The following KCNH1 variants were observed in gnomAD, a reference collection of about 807,000 sequenced individuals.
KCNH1 encodes the protein voltage-gated delayed rectifier potassium channel KCNH1.
In KCNH1, 27 loss-of-function variants were observed where a neutral mutation model predicts 69.2. That is an observed-to-expected ratio of 0.39 (90% CI 0.29 to 0.54). KCNH1 has a LOEUF of 0.54. Ranked by LOEUF, KCNH1 falls within the 20% of genes least tolerant of loss-of-function variation. KCNH1 has a pLI of 0.68. For missense variants in KCNH1, 798 were observed against 1,261.6 expected, an observed-to-expected ratio of 0.63 and a Z score of 5.57; for synonymous variants, 456 against 487.7, an observed-to-expected ratio of 0.93 and a Z score of 0.86.
intron 6 of KCNH1, among the ~76,000 whole-genome samples, chr1:210,967,295 AC>A (rs1688426711): frequency 6.6e-6 from 1 of 152,168 alleles, no homozygotes; most frequent in Admixed American, 6.6e-5. Context: ...CATGTTCTGC[AC>A]ATGTACCCCA....
intron 3 of KCNH1, among the ~76,000 whole-genome samples, chr1:211,098,363 C>G (rs1179908395): frequency 6.7e-6 from 1 of 149,544 alleles, no homozygotes; most frequent in Non-Finnish European, 1.5e-5. Context: ...ATACAGCATA[C>G]TAAACATTAG....
chr1:211,039,810 A>G (rs369270760), intron 5 of KCNH1, among the ~76,000 whole-genome samples: 2 of 152,104 alleles, frequency 1.3e-5, no homozygotes, highest in African/African-American at 4.8e-5. Context: ...CTTGCTTTTG[A>G]TTTTACAGGC....
At chr1:210,709,225 G>A (rs1681992300) in intron 10 of KCNH1, among the ~76,000 whole-genome samples, 1 of 152,170 alleles carries the variant, frequency 6.6e-6, no homozygotes, top group African/African-American at 2.4e-5. Flanking sequence ...CTCCAGCCTG[G>A]GCAACAGTGC....
intron 10 of KCNH1, among the ~76,000 whole-genome samples, chr1:210,709,634 G>A (rs1286578677): frequency 6.6e-6 from 1 of 151,616 alleles, no homozygotes; most frequent in Non-Finnish European, 1.5e-5. Flanking sequence ...GTAGATACAG[G>A]GAAGTAGAAA....
chr1:210,765,357 C>A (rs536812819), intron 10 of KCNH1, among the ~76,000 whole-genome samples: 1 of 152,050 alleles, frequency 6.6e-6, no homozygotes, highest in Admixed American at 6.6e-5. Flanking sequence ...ATGTAATATA[C>A]CCATGTAACA....
At chr1:210,892,411 T>C (rs1686769705) in intron 7 of KCNH1, among the ~76,000 whole-genome samples, 1 of 152,100 alleles carries the variant, frequency 6.6e-6, no homozygotes, top group Non-Finnish European at 1.5e-5. Context: ...TCATTCCTTC[T>C]TTCAGTCACT....
intron 10 of KCNH1, among the ~76,000 whole-genome samples, chr1:210,773,061 C>G (rs1462099026): frequency 1.3e-5 from 2 of 152,092 alleles, no homozygotes; most frequent in Non-Finnish European, 2.9e-5. Flanking sequence ...TTTTTTCAAC[C>G]TATATTATCA....
At chr1:210,876,037 T>C (rs957156712) in intron 7 of KCNH1, among the ~76,000 whole-genome samples, 20 of 152,136 alleles carry the variant, frequency 1.3e-4, no homozygotes, top group African/African-American at 4.8e-4. Context: ...AACCCAATAT[T>C]ATTAAAATAT....
At chr1:210,794,584 G>A (rs1934612) in intron 9 of KCNH1, among the ~76,000 whole-genome samples, 20,413 of 152,148 alleles carry the variant, frequency 0.13, 1,449 homozygotes, top group Non-Finnish European at 0.16. Context: ...ATGAGAAGGG[G>A]CTAGGAAGCT....
chr1:210,931,971 T>C (rs1687688259), intron 6 of KCNH1, among the ~76,000 whole-genome samples: 1 of 152,040 alleles, frequency 6.6e-6, no homozygotes, highest in South Asian at 2.1e-4. Context: ...AGAAAGTCTA[T>C]GGGACACCAT....
chr1:210,805,307 T>G (rs1684527568), intron 7 of KCNH1, among the ~76,000 whole-genome samples: 1 of 152,224 alleles, frequency 6.6e-6, no homozygotes, highest in Non-Finnish European at 1.5e-5. Flanking sequence ...GATGAGTTAT[T>G]ATTGATATAT....
rs749800577 is a variant in KCNH1, at chr1:211,082,794, A to T, written c.544T>A (p.Ser182Thr). ...TTTGCCCTTACCTCTGCCAGGCGGG[A>T]GTGCTTGTGGACATTCTCGCCTTTT... ...VQKGENVHKH[S>T]RLAEVLQLGS... The change falls in exon 5 of 11, where the codon TCC becomes ACC. Residue 182 changes from serine to threonine, a missense_variant. By Grantham distance (58) the Ser-to-Thr change is moderately conservative. Coordinates refer to ENST00000271751, the MANE Select transcript of KCNH1 (RefSeq NM_172362.3). 4.2e-5 allele frequency: 68 copies of T among 1,613,682 alleles called. No homozygotes were observed. Among genetic ancestry groups the T allele is most frequent in the Non-Finnish European group, 5.4e-5 (64 of 1,179,764 alleles).
intron 6 of KCNH1, among the ~76,000 whole-genome samples, chr1:211,008,903 A>G (rs572667572): frequency 6.6e-6 from 1 of 152,360 alleles, no homozygotes; most frequent in East Asian, 1.9e-4. Context: ...GATTAGTGCT[A>G]TGAAAACAGT....
intron 6 of KCNH1, among the ~76,000 whole-genome samples, chr1:210,972,365 C>G (rs1302131014): frequency 1.3e-5 from 2 of 152,000 alleles, no homozygotes; most frequent in African/African-American, 4.8e-5. Flanking sequence ...AATTCTGTCC[C>G]ACTCCACTTT....
chr1:210,864,711 C>A (rs1229700931), intron 7 of KCNH1, among the ~76,000 whole-genome samples: 1 of 152,168 alleles, frequency 6.6e-6, no homozygotes, highest in African/African-American at 2.4e-5. Flanking sequence ...AGACAACTAG[C>A]ATTTTACTAT....
At chr1:210,938,227 T>C (rs572796460) in intron 6 of KCNH1, among the ~76,000 whole-genome samples, 21 of 152,234 alleles carry the variant, frequency 1.4e-4, no homozygotes, top group Admixed American at 2.0e-4. Flanking sequence ...AGAAGGGCAA[T>C]GTTAAGCATA....
chr1:210,855,003 C>A (rs537838855), intron 7 of KCNH1, among the ~76,000 whole-genome samples: 1 of 152,158 alleles, frequency 6.6e-6, no homozygotes, highest in South Asian at 2.1e-4. Flanking sequence ...TCTTAGCCTA[C>A]CCTTTGCAAT....
intron 7 of KCNH1, among the ~76,000 whole-genome samples, chr1:210,894,530 G>C (rs1396560558): frequency 6.6e-6 from 1 of 152,164 alleles, no homozygotes; most frequent in Non-Finnish European, 1.5e-5. Flanking sequence ...ATTCTCTGCA[G>C]TATCTTCCTA....
chr1:211,019,464 T>C (rs1296302953), intron 5 of KCNH1, among the ~76,000 whole-genome samples: 1 of 152,258 alleles, frequency 6.6e-6, no homozygotes, highest in African/African-American at 2.4e-5. Context: ...ACTATTTGGC[T>C]GTGAGCCAAG....
Sources: allele counts gnomAD v4.1 joint callset (sites outside exome capture counted in the v4.1 genomes callset), GRCh38; gene constraint gnomAD v4.1.1; transcripts MANE v1.5; gene names NCBI Gene and HGNC (gene_info 2026-07-23, HGNC 2026-07-21).